Variants in NKAIN2 observed in about 807,000 individuals in gnomAD.
NKAIN2 encodes the protein sodium/potassium-transporting ATPase subunit beta-1-interacting protein 2.
A neutral mutation model predicts 32.6 loss-of-function variants in NKAIN2; 14 were observed. The ratio of observed to expected loss-of-function variants is 0.43; its 90% CI spans 0.28 to 0.67. NKAIN2 has a LOEUF of 0.67. NKAIN2 is among the 30% of genes least tolerant of loss of function. The pLI is 0.17. For synonymous variants in NKAIN2, 80 were observed against 87.2 expected (o/e 0.92, Z 0.46); for missense variants, 198 against 258.3 (o/e 0.77, Z 1.60).
chr6:123,923,450 A>G (rs1775853684), intron 1 of NKAIN2, among the ~76,000 whole-genome samples: 1 of 151,952 alleles, frequency 6.6e-6, no homozygotes, highest in Admixed American at 6.6e-5. Flanking sequence ...TGTAATGTCC[A>G]TTCATGGTGG....
chr6:124,601,980 G>T (rs951736614), intron 3 of NKAIN2, among the ~76,000 whole-genome samples: 29 of 151,920 alleles, frequency 1.9e-4, no homozygotes, highest in African/African-American at 6.5e-4. Context: ...CTTGGATATT[G>T]ATGTTAATCT....
intron 1 of NKAIN2, among the ~76,000 whole-genome samples, chr6:124,220,652 A>G (rs1197832290): frequency 6.6e-6 from 1 of 151,646 alleles, no homozygotes; most frequent in South Asian, 2.1e-4. Flanking sequence ...GCCTCTTCAT[A>G]TGTATTGATA....
At chr6:124,551,820 A>G (rs1483222983) in intron 3 of NKAIN2, among the ~76,000 whole-genome samples, 2 of 152,354 alleles carry the variant, frequency 1.3e-5, no homozygotes, top group South Asian at 4.1e-4. Flanking sequence ...AAATTGATGC[A>G]GGGATGTGGT....
intron 1 of NKAIN2, among the ~76,000 whole-genome samples, chr6:124,164,060 A>G (rs1358509639): frequency 6.6e-6 from 1 of 152,070 alleles, no homozygotes; most frequent in African/African-American, 2.4e-5. Flanking sequence ...ATTTCCATCA[A>G]TATTTACAAA....
At chr6:123,822,528 G>A (rs538448746) in intron 1 of NKAIN2, among the ~76,000 whole-genome samples, 10 of 152,158 alleles carry the variant, frequency 6.6e-5, no homozygotes, top group South Asian at 6.2e-4. Flanking sequence ...TGATGTGGTC[G>A]GTCTAGTTGA....
intron 3 of NKAIN2, among the ~76,000 whole-genome samples, chr6:124,528,056 T>C (rs1418626932): frequency 6.6e-6 from 1 of 152,134 alleles, no homozygotes; most frequent in Non-Finnish European, 1.5e-5. Flanking sequence ...AGGTCCTTGG[T>C]GATATGATTA....
chr6:124,409,089 G>C (rs866942050), intron 3 of NKAIN2, among the ~76,000 whole-genome samples: 8 of 152,284 alleles, frequency 5.3e-5, no homozygotes, highest in South Asian at 2.1e-4. Context: ...TAAGGAGATT[G>C]TGGGCTGAGA....
intron 1 of NKAIN2, among the ~76,000 whole-genome samples, chr6:123,805,531 C>T (rs937382874): frequency 3.9e-5 from 6 of 152,122 alleles, no homozygotes. Flanking sequence ...CGCTTATGCA[C>T]TTGGTTGTAA....
rs189419240 is a variant in NKAIN2, at chr6:124,372,422, C to G, written c.273+17075C>G. ...TATTTTTCCTGAAGCTGTCCACTCA[C>G]TTGAGCAGGCTGCCCTTCCCAGATA... On this transcript the variant is annotated intron_variant, in intron 3 of 6. Coordinates refer to ENST00000368417, the MANE Select transcript of NKAIN2 (RefSeq NM_001040214.3). 2.1e-3 allele frequency among the ~76,000 whole-genome samples: 323 copies of G among 152,182 alleles called. 2 individuals carry two copies. The highest frequency in any genetic ancestry group is 7.6e-3 in the African/African-American group (317 of 41,524).
At chr6:124,563,842 GACAGTAGGGCTTC>G (rs1780797025) in intron 3 of NKAIN2, among the ~76,000 whole-genome samples, 1 of 152,136 alleles carries the variant, frequency 6.6e-6, no homozygotes, top group African/African-American at 2.4e-5. Context: ...GAGGGAAAGT[GACAGTAGGGCTTC>G]ACTGGGCAAT....
chr6:124,224,150 T>A (rs1562433711), intron 1 of NKAIN2, among the ~76,000 whole-genome samples: 1 of 152,162 alleles, frequency 6.6e-6, no homozygotes, highest in Non-Finnish European at 1.5e-5. Context: ...CTGCATACAT[T>A]TACATTCATA....
At chr6:123,927,198 C>T (rs1183262491) in intron 1 of NKAIN2, among the ~76,000 whole-genome samples, 6 of 152,154 alleles carry the variant, frequency 3.9e-5, no homozygotes, top group Non-Finnish European at 7.3e-5. Flanking sequence ...ATGGAGCTGT[C>T]CCCATCAGTA....
intron 4 of NKAIN2, among the ~76,000 whole-genome samples, chr6:124,773,241 G>C (rs182871986): frequency 1.8e-4 from 27 of 152,148 alleles, no homozygotes; most frequent in Admixed American, 5.2e-4. Context: ...TGGAATAAAA[G>C]ACACACAAAG....
At position 124,505,386 on chromosome 6, in the gene NKAIN2, G is replaced by A. The variant is rs557626174; in HGVS notation, c.273+150039G>A. ...TCTAACAAATTCACTGTATTTAAAT[G>A]AAGCTATGTTATAAAGCCGACTAGG... On this transcript the variant is annotated intron_variant, in intron 3 of 6. Transcript: ENST00000368417. Among the ~76,000 whole-genome samples the A allele has an allele frequency of 4.6e-5, 7 of 152,290 alleles. No individual in the cohort carries two copies. The South Asian group carries it at 1.4e-3, about 32-fold the overall frequency.
At chr6:124,202,361 C>A (rs1008676270) in intron 1 of NKAIN2, among the ~76,000 whole-genome samples, 1 of 151,868 alleles carries the variant, frequency 6.6e-6, no homozygotes, top group Non-Finnish European at 1.5e-5. Flanking sequence ...GATTCCTTAG[C>A]GAGGCAGAAA....
At chr6:124,110,674 G>T (rs1321271550) in intron 1 of NKAIN2, among the ~76,000 whole-genome samples, 1 of 152,016 alleles carries the variant, frequency 6.6e-6, no homozygotes, top group African/African-American at 2.4e-5. Flanking sequence ...GCATTAATTT[G>T]CTTAGGATAA....
chr6:124,294,274 G>A (rs751202756), intron 2 of NKAIN2, among the ~76,000 whole-genome samples: 2 of 152,006 alleles, frequency 1.3e-5, no homozygotes, highest in Non-Finnish European at 2.9e-5. Context: ...AGTACCCAGC[G>A]AGTGAGAACT....
At chr6:124,765,119 A>T (rs1180153941) in intron 4 of NKAIN2, among the ~76,000 whole-genome samples, 1 of 152,222 alleles carries the variant, frequency 6.6e-6, no homozygotes, top group East Asian at 1.9e-4. Flanking sequence ...AACTCTAATC[A>T]TTATTTTCTT....
At chr6:124,802,721 A>G (rs1780316894) in intron 5 of NKAIN2, among the ~76,000 whole-genome samples, 1 of 152,060 alleles carries the variant, frequency 6.6e-6, no homozygotes, top group African/African-American at 2.4e-5. Flanking sequence ...CAGTTCTGAA[A>G]TTTTCTGCCT....
Sources: gnomAD v4.1 joint callset for allele counts (sites outside exome capture counted in the v4.1 genomes callset) on GRCh38, gnomAD v4.1.1 for gene constraint, MANE v1.5 for transcripts, NCBI Gene and HGNC (gene_info 2026-07-23, HGNC 2026-07-21) for gene names.